PLD5: variants seen among roughly 807,000 people sequenced by gnomAD.
PLD5 encodes inactive phospholipase D5.
In PLD5, 36 loss-of-function variants were observed where a neutral mutation model predicts 61.1. The observed-to-expected ratio is 0.59, with a 90% CI of 0.45 to 0.78. The LOEUF is 0.78. PLD5 is among the 30% of genes least tolerant of loss of function. The probability of loss-of-function intolerance (pLI) is 0.00; values close to 1 mark genes in which losing one functional copy is unlikely to be tolerated. For synonymous variants in PLD5, 243 were observed against 242.8 expected, an observed-to-expected ratio of 1.00 and a Z score of -0.01; for missense variants, 515 against 644.4, an observed-to-expected ratio of 0.80 and a Z score of 2.17.
At chr1:242,513,013 A>G (rs1476982580) in intron 1 of PLD5, among the ~76,000 whole-genome samples, 1 of 151,978 alleles carries the variant, frequency 6.6e-6, no homozygotes, top group Non-Finnish European at 1.5e-5. Flanking sequence ...CTGGGACTAC[A>G]GGCATATAGA....
At chr1:242,119,681 G>A (rs1662220533) in intron 6 of PLD5, among the ~76,000 whole-genome samples, 1 of 152,150 alleles carries the variant, frequency 6.6e-6, no homozygotes, top group Non-Finnish European at 1.5e-5. Context: ...AATAACAAGT[G>A]TTGCCGAGGA....
chr1:242,108,670 C>T (rs1221359539), intron 7 of PLD5, among the ~76,000 whole-genome samples: 1 of 152,204 alleles, frequency 6.6e-6, no homozygotes, highest in Non-Finnish European at 1.5e-5. Flanking sequence ...TTAAATCACT[C>T]TCCCTCCCCT....
Position 242,142,716 on chromosome 1 carries a change from C to CTCTCTT in PLD5, c.736-18052_736-18051insAAGAGA, listed in dbSNP as rs765025692. On this transcript the variant is annotated intron_variant, in intron 5 of 9. Coordinates refer to ENST00000536534, the MANE Select transcript of PLD5 (RefSeq NM_001372062.1). ...CTGTAAGGTGTAGAGCTGTGTCTTT[C>CTCTCTT]TCTCTCTCTCTCTCTCTCTCTCTCT... 1.8e-3 allele frequency among the ~76,000 whole-genome samples: 147 copies of CTCTCTT among 83,880 alleles called. No individual in the cohort carries two copies. The South Asian group carries it at 0.019, about 11-fold the overall frequency. 55.0% of individuals were successfully genotyped at this position (83,880 alleles called of 152,430 possible).
intron 2 of PLD5, among the ~76,000 whole-genome samples, chr1:242,347,269 G>A (rs1458671826): frequency 6.6e-6 from 1 of 152,140 alleles, no homozygotes; most frequent in Non-Finnish European, 1.5e-5. Flanking sequence ...AAGTTGGGGG[G>A]TGGTCTTAGG....
chr1:242,375,861 A>G (rs1342545637), intron 1 of PLD5, among the ~76,000 whole-genome samples: 2 of 152,134 alleles, frequency 1.3e-5, no homozygotes, highest in African/African-American at 4.8e-5. Context: ...GGCTGCATTG[A>G]TAAGTCGGTG....
chr1:242,227,360 CTGTT>C (rs562609013), intron 4 of PLD5, among the ~76,000 whole-genome samples: 26 of 151,956 alleles, frequency 1.7e-4, no homozygotes, highest in African/African-American at 5.3e-4. Context: ...CAACACTGCT[CTGTT>C]TGTTTGTTTT....
intron 2 of PLD5, among the ~76,000 whole-genome samples, chr1:242,342,337 C>G (rs1176402578): frequency 6.6e-6 from 1 of 152,150 alleles, no homozygotes; most frequent in South Asian, 2.1e-4. Context: ...ATGAAGACCT[C>G]TCCTCTGAAA....
At chr1:242,350,165 C>A (rs1053757539) in intron 1 of PLD5, among the ~76,000 whole-genome samples, 2 of 152,108 alleles carry the variant, frequency 1.3e-5, no homozygotes, top group South Asian at 2.1e-4. Context: ...CCAAATCTAC[C>A]AGCATCTTGA....
intron 1 of PLD5, among the ~76,000 whole-genome samples, chr1:242,463,240 T>A (rs1352069912): frequency 6.6e-6 from 1 of 152,174 alleles, no homozygotes; most frequent in African/African-American, 2.4e-5. Flanking sequence ...TTTATCCAGA[T>A]TAAAATCAAA....
intron 1 of PLD5, among the ~76,000 whole-genome samples, chr1:242,473,163 G>A (rs570097658): frequency 5.9e-5 from 9 of 152,258 alleles, no homozygotes; most frequent in East Asian, 1.9e-4. Context: ...AATACATCAC[G>A]GTGCTGCTGG....
At position 242,395,037 on chromosome 1, in the gene PLD5, G is replaced by GTATGAATATATATGAATA. The variant is rs1558528215; in HGVS notation, c.190-46796_190-46795insTATTCATATATATTCATA. On this transcript the variant is annotated intron_variant, in intron 1 of 9. Transcript: ENST00000536534. Reference sequence around the variant, plus strand: ...TATGAATATATATGTATATATGAATGTATATGTATATATGAATATATATGT... The same window carrying GTATGAATATATATGAATA: ...TATGAATATATATGTATATATGAATGTATGAATATATATGAATATATATGTATATATGAATATATATGT... Among the ~76,000 whole-genome samples, 59 of 47,856 alleles carry GTATGAATATATATGAATA rather than the reference G, an allele frequency of 1.2e-3. 2 individuals are homozygous for GTATGAATATATATGAATA. Among genetic ancestry groups the GTATGAATATATATGAATA allele is most frequent in the East Asian group, 8.6e-3 (19 of 2,206 alleles). The allele number at this position is 47,856 out of a possible 152,430, so 31.4% of individuals were successfully genotyped here. A position where few individuals can be genotyped will look rare whatever the true frequency, so the allele number is the denominator to read the frequency against.
chr1:242,091,832 C>T lies in PLD5; in HGVS notation c.1355-1722G>A, dbSNP rs12036459. ...TCTTTTTCTTTTCTTTTCTTTTTTT[C>T]TTTTTTTTTTTTTTTGAGATAGTCT... On this transcript the variant is annotated intron_variant, in intron 9 of 9. Coordinates refer to ENST00000536534, the MANE Select transcript of PLD5 (RefSeq NM_001372062.1). Among the ~76,000 whole-genome samples, 172 of 123,374 alleles carry T rather than the reference C, an allele frequency of 1.4e-3. 1 individual carries two copies. The highest frequency in any genetic ancestry group is 4.3e-3 in the Middle Eastern group (1 of 234). The allele number at this position is 123,374 out of a possible 152,430, so 80.9% of individuals were successfully genotyped here. A position where few individuals can be genotyped will look rare whatever the true frequency, so the allele number is the denominator to read the frequency against.
At chr1:242,410,363 TA>T (rs1014805087) in intron 1 of PLD5, among the ~76,000 whole-genome samples, 2 of 152,006 alleles carry the variant, frequency 1.3e-5, no homozygotes, top group East Asian at 3.9e-4. Flanking sequence ...CAGACACCTG[TA>T]AAAAACCCAC....
In PLD5 at chr1:242,088,556, G is replaced by A. The variant is rs1197028397; in HGVS notation, c.*1298C>T. The A allele has an allele frequency of 6.6e-6, 1 of 152,072 alleles. No individual in the cohort carries two copies. Among genetic ancestry groups the A allele is most frequent in the Non-Finnish European group, 1.5e-5 (1 of 68,038 alleles). The allele number at this position is 152,072 out of a possible 1,614,324, so 9.4% of individuals were successfully genotyped here. ...ATTACCGTCTACATTACCAAGAGAA[G>A]CCCGAGGCCAAGCAGTGAGGGGCTC... On this transcript the variant is annotated 3_prime_UTR_variant, in exon 10 of 10. Transcript: ENST00000536534.
chr1:242,384,735 T>G (rs887625334), intron 1 of PLD5, among the ~76,000 whole-genome samples: 2 of 152,342 alleles, frequency 1.3e-5, no homozygotes, highest in African/African-American at 2.4e-5. Flanking sequence ...TTACCACCTA[T>G]TTCTCCTTAA....
At chr1:242,197,439 T>C (rs1668703087) in intron 5 of PLD5, among the ~76,000 whole-genome samples, 1 of 152,178 alleles carries the variant, frequency 6.6e-6, no homozygotes, top group South Asian at 2.1e-4. Flanking sequence ...ATAGTTGGCA[T>C]TGTATGTTCC....
chr1:242,314,844 G>A (rs932500669), intron 2 of PLD5, among the ~76,000 whole-genome samples: 50 of 151,746 alleles, frequency 3.3e-4, no homozygotes, highest in African/African-American at 9.7e-4. Flanking sequence ...AAGTTGGAGT[G>A]GAGGCTTTGT....
chr1:242,090,097 C>G lies in PLD5; in HGVS notation c.1368G>C (p.Trp456Cys). Residue 456 changes from tryptophan (W) to cysteine (C), a missense_variant, in exon 10 of 10, where the codon TGG becomes TGC. Transcript: ENST00000536534. ...CATTCTGAGTGAAATCATTCCCTAC[C>G]CAATCAAAATTTCCTGCAAACAAAC... ...DGAAYIGNFD[W>C]VGNDFTQNAG... 6.2e-7 allele frequency: 1 copy of G among 1,613,776 alleles called. No homozygotes were observed. Among genetic ancestry groups the G allele is most frequent in the East Asian group, 2.2e-5 (1 of 44,870 alleles).
At chr1:242,098,976 G>A (rs1299090304) in intron 9 of PLD5, among the ~76,000 whole-genome samples, 1 of 152,134 alleles carries the variant, frequency 6.6e-6, no homozygotes, top group Non-Finnish European at 1.5e-5. Context: ...CCTACTGGGG[G>A]GTGCCTCCCA....
Sources: gnomAD v4.1 joint callset for allele counts (sites outside exome capture counted in the v4.1 genomes callset) on GRCh38, gnomAD v4.1.1 for gene constraint, MANE v1.5 for transcripts, NCBI Gene and HGNC (gene_info 2026-07-23, HGNC 2026-07-21) for gene names.